The following KCND2 variants were observed in gnomAD, a reference collection of about 807,000 sequenced individuals.
KCND2 encodes potassium voltage-gated channel subfamily D member 2.
In KCND2, 16 loss-of-function variants were observed where a neutral mutation model predicts 54.4. That is an observed-to-expected ratio of 0.29 (90% CI 0.20 to 0.45). The LOEUF (loss-of-function observed/expected upper bound fraction) is 0.45, where lower values mean the gene tolerates loss of function less well. Among genes scored for constraint, KCND2 ranks in the 20% least tolerant of loss-of-function variants. KCND2 has a pLI of 1.00. For missense variants in KCND2, 486 were observed against 824.2 expected, an observed-to-expected ratio of 0.59 and a Z score of 5.02; for synonymous variants, 317 against 310.7, an observed-to-expected ratio of 1.02 and a Z score of -0.21.
chr7:120,421,415 C>T (rs756929666), intron 1 of KCND2, among the ~76,000 whole-genome samples: 7 of 152,192 alleles, frequency 4.6e-5, no homozygotes, highest in Non-Finnish European at 1.0e-4. Flanking sequence ...ACTGAAGTGA[C>T]CTGCACACAC....
intron 1 of KCND2, among the ~76,000 whole-genome samples, chr7:120,410,381 G>T (rs1337596781): frequency 6.6e-6 from 1 of 151,272 alleles, no homozygotes; most frequent in East Asian, 1.9e-4. Context: ...AGGTTCTTTG[G>T]GTCCATGTAA....
chr7:120,658,304 A>G (rs892624958), intron 1 of KCND2, among the ~76,000 whole-genome samples: 4 of 152,112 alleles, frequency 2.6e-5, no homozygotes, highest in South Asian at 2.1e-4. Context: ...GTACTCTTTC[A>G]TGGATTAGAT....
At chr7:120,394,357 C>T (rs1460127157) in intron 1 of KCND2, among the ~76,000 whole-genome samples, 1 of 151,868 alleles carries the variant, frequency 6.6e-6, no homozygotes, top group African/African-American at 2.4e-5. Context: ...GGCCACAAGA[C>T]TAGTTGAGTC....
At chr7:120,561,730 G>C (rs562217911) in intron 1 of KCND2, among the ~76,000 whole-genome samples, 1 of 144,580 alleles carries the variant, frequency 6.9e-6, no homozygotes, top group Non-Finnish European at 1.5e-5. Context: ...TGCTGTCCCA[G>C]CCTCACAAGT....
chr7:120,617,236 C>T (rs77390749), intron 1 of KCND2, among the ~76,000 whole-genome samples: 7,489 of 152,188 alleles, frequency 0.049, 206 homozygotes, highest in Non-Finnish European at 0.069. Flanking sequence ...CAGTTGTATG[C>T]CAGGCTTTGT....
At chr7:120,445,876 T>G (rs1802011253) in intron 1 of KCND2, among the ~76,000 whole-genome samples, 1 of 152,170 alleles carries the variant, frequency 6.6e-6, no homozygotes, top group Non-Finnish European at 1.5e-5. Flanking sequence ...TTACTTAATC[T>G]GTATGAAATG....
chr7:120,632,991 C>A (rs1211891575), intron 1 of KCND2, among the ~76,000 whole-genome samples: 1 of 152,170 alleles, frequency 6.6e-6, no homozygotes, highest in Non-Finnish European at 1.5e-5. Flanking sequence ...GGCTTTAAAA[C>A]CTGCAACAAT....
intron 1 of KCND2, among the ~76,000 whole-genome samples, chr7:120,684,391 A>G (rs919892397): frequency 6.6e-6 from 1 of 152,094 alleles, no homozygotes; most frequent in East Asian, 1.9e-4. Flanking sequence ...CTGGAATATT[A>G]TAACAAGATA....
At chr7:120,356,177 C>T (rs2116392720) in intron 1 of KCND2, among the ~76,000 whole-genome samples, 1 of 152,028 alleles carries the variant, frequency 6.6e-6, no homozygotes, top group East Asian at 1.9e-4. Flanking sequence ...ATTTTTTATG[C>T]CAACCCCATA....
At chr7:120,442,003 A>G (rs1027299873) in intron 1 of KCND2, among the ~76,000 whole-genome samples, 6 of 152,118 alleles carry the variant, frequency 3.9e-5, no homozygotes, top group African/African-American at 1.2e-4. Flanking sequence ...AACAAGAAAC[A>G]GTTTTTAGTA....
chr7:120,554,815 C>T (rs986074703), intron 1 of KCND2, among the ~76,000 whole-genome samples: 9 of 152,298 alleles, frequency 5.9e-5, no homozygotes, highest in African/African-American at 1.9e-4. Context: ...AATCTATGGA[C>T]TTAGCCATAG....
intron 1 of KCND2, among the ~76,000 whole-genome samples, chr7:120,437,271 C>T (rs1259918210): frequency 2.0e-5 from 3 of 146,812 alleles, no homozygotes; most frequent in East Asian, 2.1e-4. Flanking sequence ...GACTCGATCT[C>T]GGCTCACTGC....
At position 120,506,864 on chromosome 7, in the gene KCND2, A is replaced by G. The variant is rs189609050; in HGVS notation, c.1116-226039A>G. 5.9e-5 allele frequency among the ~76,000 whole-genome samples: 9 copies of G among 151,816 alleles called. No individual in the cohort carries two copies. The East Asian group carries it at 1.5e-3, about 26-fold the overall frequency. ...TAGTTAAGTTCTCTCTAATTTTTTT[A>G]TTTAATTACTATCCATGTTGTTTAC... On this transcript the variant is annotated intron_variant, in intron 1 of 5. Transcript: ENST00000331113.
chr7:120,285,286 C>T (rs957165408), intron 1 of KCND2, among the ~76,000 whole-genome samples: 1 of 152,012 alleles, frequency 6.6e-6, no homozygotes, highest in Non-Finnish European at 1.5e-5. Flanking sequence ...ATATGGAAAA[C>T]ATCAAACCTG....
chr7:120,448,733 A>G (rs184962150), intron 1 of KCND2, among the ~76,000 whole-genome samples: 11 of 152,184 alleles, frequency 7.2e-5, no homozygotes, highest in East Asian at 3.9e-4. Flanking sequence ...ACCACGATCA[A>G]TTTGGCTTCA....
chr7:120,310,501 A>G (rs1282242596), intron 1 of KCND2, among the ~76,000 whole-genome samples: 1 of 152,182 alleles, frequency 6.6e-6, no homozygotes, highest in Non-Finnish European at 1.5e-5. Context: ...CTGGCTCACA[A>G]CATGCAGAAT....
At chr7:120,480,249 A>G (rs1367146795) in intron 1 of KCND2, among the ~76,000 whole-genome samples, 1 of 152,024 alleles carries the variant, frequency 6.6e-6, no homozygotes, top group Non-Finnish European at 1.5e-5. Context: ...TTGCATAAAT[A>G]CCCCCTCTTA....
intron 1 of KCND2, among the ~76,000 whole-genome samples, chr7:120,277,393 TC>T (rs1416025711): frequency 6.6e-6 from 1 of 152,042 alleles, no homozygotes; most frequent in Non-Finnish European, 1.5e-5. Context: ...TAGCAGGAGA[TC>T]CTTATTAAGG....
chr7:120,509,083 A>G (rs1803073977), intron 1 of KCND2, among the ~76,000 whole-genome samples: 2 of 152,024 alleles, frequency 1.3e-5, no homozygotes, highest in South Asian at 2.1e-4. Flanking sequence ...AAAGCAGCAT[A>G]TAGACTATAT....
Sources: allele counts gnomAD v4.1 joint callset (sites outside exome capture counted in the v4.1 genomes callset), GRCh38; gene constraint gnomAD v4.1.1; transcripts MANE v1.5; gene names NCBI Gene and HGNC (gene_info 2026-07-23, HGNC 2026-07-21).